CKAP5: variants seen among roughly 807,000 people sequenced by gnomAD.
CKAP5 encodes cytoskeleton associated protein 5.
In CKAP5, 27 loss-of-function variants were observed where a neutral mutation model predicts 232.8. That is an observed-to-expected ratio of 0.12 (90% CI 0.09 to 0.16). The LOEUF is 0.16. CKAP5 is among the 10% of genes least tolerant of loss of function. CKAP5 has a pLI of 1.00. For missense variants in CKAP5, 1,838 were observed against 2,424.7 expected, an observed-to-expected ratio of 0.76 and a Z score of 5.08; for synonymous variants, 785 against 841.1, an observed-to-expected ratio of 0.93 and a Z score of 1.16.
At chr11:46,832,856 C>T (rs778555946) in intron 1 of CKAP5, among the ~76,000 whole-genome samples, 3 of 151,984 alleles carry the variant, frequency 2.0e-5, no homozygotes, top group African/African-American at 2.4e-5. Context: ...ACTCAAGAGG[C>T]TGAGGTGGGA....
chr11:46,743,905 C>T lies in CKAP5; in HGVS notation c.*118G>A, dbSNP rs557009843. 9 of 1,292,934 alleles carry T rather than the reference C, an allele frequency of 7.0e-6. No homozygotes were observed. The highest frequency in any genetic ancestry group is 3.9e-5 in the Admixed American group (2 of 51,894). 80.1% of individuals were successfully genotyped at this position (1,292,934 alleles called of 1,614,324 possible). A position where few individuals can be genotyped will look rare whatever the true frequency, so the allele number is the denominator to read the frequency against. ...CCACAATGACTCCTCCCCCTAGCTC[C>T]ACGGCATGATACATACAACCAGTTT... is the stretch of plus-strand genomic sequence containing the variant. On this transcript the variant is annotated 3_prime_UTR_variant, in exon 44 of 44. Transcript: ENST00000529230.
chr11:46,783,752 C>T (rs2065362223), intron 17 of CKAP5, among the ~76,000 whole-genome samples: 2 of 152,028 alleles, frequency 1.3e-5, no homozygotes, highest in Admixed American at 1.3e-4. Flanking sequence ...GTTGCCCAGG[C>T]TGGAGTACAG....
At position 46,777,465 on chromosome 11, in the gene CKAP5, T is replaced by A. The variant is rs147935536; in HGVS notation, c.2836A>T (p.Ile946Phe). ...KQHVKNLGIP[I>F]ITVLGDSKNN... is the part of the protein sequence containing the mutation. ...TTGCTGTCTCCAAGGACTGTGATGA[T>A]AGGGATGCCTAAATTTTTTACATGT... The change falls in exon 23 of 44, where the codon ATC becomes TTC. Residue 946 changes from isoleucine to phenylalanine, a missense_variant. Ile to Phe is a conservative substitution (Grantham distance 21). Around this residue, in one of 6 missense-constraint regions of CKAP5, gnomAD observed 767 missense variants for 954.6 expected, o/e 0.80. Transcript: ENST00000529230. 6.2e-7 allele frequency: 1 copy of A among 1,612,292 alleles called. No homozygotes were observed. The highest frequency in any genetic ancestry group is 1.3e-5 in the African/African-American group (1 of 74,896).
Position 46,784,625 on chromosome 11 carries a change from T to C in CKAP5, c.2017A>G (p.Asn673Asp). Reference protein sequence around the residue: ...HIVALIAQKGNFSKTSAQVVL... With the variant: ...HIVALIAQKGDFSKTSAQVVL... ...ACCTGAGCTGACGTTTTGGAAAAATTTCCCTTCTGGGCAATCAAAGCAACT... is the reference window on the plus strand; with the variant it reads ...ACCTGAGCTGACGTTTTGGAAAAATCTCCCTTCTGGGCAATCAAAGCAACT... The change falls in exon 17 of 44, where the codon AAT (asparagine) becomes GAT (aspartate). Residue 673 changes from asparagine (N) to aspartate (D), a missense_variant. By Grantham distance (23) the Asn-to-Asp change is conservative (BLOSUM62 1). Transcript: ENST00000529230. 1 of 1,614,090 alleles carries C rather than the reference T, an allele frequency of 6.2e-7. No individual in the cohort carries two copies. The highest frequency in any genetic ancestry group is 8.5e-7 in the Non-Finnish European group (1 of 1,179,988).
chr11:46,751,223 T>A lies in CKAP5; in HGVS notation c.5355A>T (p.Lys1785Asn), dbSNP rs755149415. The stretch of plus-strand genomic sequence containing the variant: ...GATGGGCCTCCAGCTCAGACTCGTT[T>A]TTGTTGTCGATCATCGTTAGGTGGT... ...ILDHLTMIDN[K>N]NESELEAHLC... The change falls in exon 40 of 44, where the codon AAA becomes AAT. Residue 1785 changes from lysine (K) to asparagine (N), a missense_variant. Lys to Asn is a moderately conservative substitution (Grantham distance 94). This residue lies in a region of CKAP5 where 579 missense variants were observed against 843.2 expected (regional missense o/e 0.69). Transcript: ENST00000529230. 1 of 1,614,196 alleles carries A rather than the reference T, an allele frequency of 6.2e-7. No individual in the cohort carries two copies.
chr11:46,780,373 T>A, intron 19 of CKAP5, 54 bp from the exon 20 acceptor site: 1 of 1,613,606 alleles, frequency 6.2e-7, no homozygotes. Context: ...CAATAATAAC[T>A]TTTTAAATCC....
chr11:46,750,393 T>A lies in CKAP5; in HGVS notation c.5585A>T (p.Asp1862Val). 1 of 1,614,174 alleles carries A rather than the reference T, an allele frequency of 6.2e-7. No individual in the cohort carries two copies. Among genetic ancestry groups the A allele is most frequent in the Middle Eastern group, 1.6e-4 (1 of 6,062 alleles). ...TTTCAGAAATGGTTCAATGTCAGCA[T>A]CTGAGTATTTCTTCTTATATTCATA... is the stretch of plus-strand genomic sequence containing the variant. ...ELYEYKKKYSDADIEPFLKNS... is the reference protein window; with the variant it reads ...ELYEYKKKYSVADIEPFLKNS... Residue 1862 changes from aspartate (D) to valine (V), a missense_variant, in exon 42 of 44, where the codon GAT becomes GTT. Physicochemically the swap from Asp to Val is radical, Grantham distance 152. Transcript: ENST00000529230.
intron 12 of CKAP5, 132 bp downstream of exon 12, chr11:46,796,680 A>C: frequency 1.0e-6 from 1 of 978,148 alleles, no homozygotes; most frequent in Non-Finnish European, 1.5e-6. Context: ...TTCCTACTAT[A>C]AATGGCAATT....
At chr11:46,771,091 A>G (rs958445524) in intron 24 of CKAP5, 109 bp from the exon 25 acceptor site, 2 of 842,728 alleles carry the variant, frequency 2.4e-6, no homozygotes, top group South Asian at 2.2e-5. Context: ...TAGCTTTCAC[A>G]CTATAACTTT....
Position 46,778,535 on chromosome 11 carries a change from T to C in CKAP5, c.2498A>G (p.Asp833Gly). Residue 833 changes from aspartate (D) to glycine (G), a missense_variant, in exon 21 of 44, where the codon GAT (aspartate) becomes GGT (glycine). This residue lies in a region of CKAP5 where 767 missense variants were observed against 954.6 expected (regional missense o/e 0.80). Coordinates refer to ENST00000529230, the MANE Select transcript of CKAP5 (RefSeq NM_001008938.4). ...GISKHSTSGTDEGEDGDEPDD... is the reference protein window; with the variant it reads ...GISKHSTSGTGEGEDGDEPDD... ...TGGTTCATCTCCATCTTCTCCTTCATCTGTACCACTTGTGCTATGCTTGGA... is the reference window on the plus strand; with the variant it reads ...TGGTTCATCTCCATCTTCTCCTTCACCTGTACCACTTGTGCTATGCTTGGA... 2 of 1,614,096 alleles carry C rather than the reference T, an allele frequency of 1.2e-6. No homozygotes were observed. Among genetic ancestry groups the C allele is most frequent in the Middle Eastern group, 3.3e-4 (2 of 6,062 alleles).
chr11:46,841,782 C>T (rs1308323232), intron 1 of CKAP5, among the ~76,000 whole-genome samples: 1 of 152,082 alleles, frequency 6.6e-6, no homozygotes, highest in African/African-American at 2.4e-5. Flanking sequence ...AGGAGGATCA[C>T]GAGGTTAGGA....
At chr11:46,755,680 G>A (rs545351255) in intron 35 of CKAP5, among the ~76,000 whole-genome samples, 8 of 151,804 alleles carry the variant, frequency 5.3e-5, no homozygotes, top group Non-Finnish European at 8.8e-5. Flanking sequence ...TGTAATCCCA[G>A]CACTTTGGGA....
chr11:46,762,353 GT>G lies in CKAP5; in HGVS notation c.4028-161del, dbSNP rs2065162465. On this transcript the variant is annotated intron_variant, in intron 31 of 43. Transcript: ENST00000529230. The stretch of plus-strand genomic sequence containing the variant: ...ACTGCCTTTTATCAGTGAAAAAATG[GT>G]ATTTCAGCAAGTGCTCCTGAAAGGA... 9.9e-6 allele frequency: 9 copies of G among 911,780 alleles called. No individual in the cohort carries two copies. In the East Asian group the frequency reaches 2.2e-4, roughly 22 times the overall value. 56.5% of individuals were successfully genotyped at this position (911,780 alleles called of 1,614,324 possible).
At chr11:46,826,120 C>T (rs1024272001) in intron 1 of CKAP5, among the ~76,000 whole-genome samples, 2 of 152,176 alleles carry the variant, frequency 1.3e-5, no homozygotes, top group African/African-American at 4.8e-5. Context: ...CTTTCCTAAT[C>T]TTGGGACAGT....
At position 46,816,314 on chromosome 11, in the gene CKAP5, A is replaced by G; in HGVS notation, c.342T>C (p.Leu114=). The G allele has an allele frequency of 6.2e-7, 1 of 1,614,106 alleles. No individual in the cohort carries two copies. Among genetic ancestry groups the G allele is most frequent in the Non-Finnish European group, 8.5e-7 (1 of 1,179,990 alleles). The change falls in exon 4 of 44, where the codon CTT becomes CTC. Residue 114 remains leucine, a synonymous_variant. Transcript: ENST00000529230. The part of the protein sequence containing the change: ...KAKELGIEIC[L]MYIEIEKGEA... ...CTCCTTTCTCAATCTCTATGTACATAAGACAGATCTCTATGCCCAGCTCCT... is the reference window on the plus strand; with the variant it reads ...CTCCTTTCTCAATCTCTATGTACATGAGACAGATCTCTATGCCCAGCTCCT...
At chr11:46,822,741 CAAAAAAAAA>C (rs57170422) in intron 1 of CKAP5, among the ~76,000 whole-genome samples, 1 of 77,876 alleles carries the variant, frequency 1.3e-5, no homozygotes, top group African/African-American at 5.0e-5. Context: ...GACTCCGTCC[CAAAAAAAAA>C]AAAAAAAAAA....
chr11:46,828,933 G>C (rs1339990528), intron 1 of CKAP5, among the ~76,000 whole-genome samples: 1 of 152,104 alleles, frequency 6.6e-6, no homozygotes, highest in East Asian at 1.9e-4. Flanking sequence ...GAAAGTTCTG[G>C]AGATCTGTTT....
intron 1 of CKAP5, among the ~76,000 whole-genome samples, chr11:46,843,402 G>C (rs1391625076): frequency 6.6e-6 from 1 of 152,002 alleles, no homozygotes; most frequent in East Asian, 1.9e-4. Context: ...GTAGTACCAA[G>C]AGCCATTGGT....
rs541528386 is a variant in CKAP5, at chr11:46,765,053, C to T, written c.3537+78G>A. On this transcript the variant is annotated intron_variant, in intron 28 of 43. Transcript: ENST00000529230. ...TTAATTCCTAGATATTAAACAATAA[C>T]ATGAATTCAGACAGCAAAACTATTC... The T allele has an allele frequency of 1.6e-5, 21 of 1,345,374 alleles. No homozygotes were observed. In the South Asian group the frequency reaches 2.9e-4, roughly 18 times the overall value. The allele number at this position is 1,345,374 out of a possible 1,614,324, so 83.3% of individuals were successfully genotyped here. A position where few individuals can be genotyped will look rare whatever the true frequency, so the allele number is the denominator to read the frequency against.
Sources: allele counts gnomAD v4.1 joint callset (sites outside exome capture counted in the v4.1 genomes callset), GRCh38; gene constraint gnomAD v4.1.1; regional missense constraint gnomAD v4.1.1; transcripts MANE v1.5; gene names NCBI Gene and HGNC (gene_info 2026-07-23, HGNC 2026-07-21).